Variants in CARMIL1 observed in about 807,000 individuals in gnomAD.
CARMIL1 encodes F-actin-uncapping protein LRRC16A.
In CARMIL1, 90 loss-of-function variants were observed where a neutral mutation model predicts 177.1. The observed-to-expected ratio is 0.51, with a 90% CI of 0.43 to 0.61. The LOEUF (loss-of-function observed/expected upper bound fraction) is 0.61, where lower values mean the gene tolerates loss of function less well. Among genes scored for constraint, CARMIL1 ranks in the 20% least tolerant of loss-of-function variants. The probability of loss-of-function intolerance (pLI) is 0.00; values close to 1 mark genes in which losing one functional copy is unlikely to be tolerated. For synonymous variants in CARMIL1, 577 were observed against 606.2 expected (o/e 0.95, Z 0.71); for missense variants, 1,380 against 1,667.0 (o/e 0.83, Z 3.00).
At chr6:25,395,239 G>A (rs1242308692) in intron 2 of CARMIL1, among the ~76,000 whole-genome samples, 1 of 152,194 alleles carries the variant, frequency 6.6e-6, no homozygotes, top group Non-Finnish European at 1.5e-5. Flanking sequence ...GCGGTGCAAG[G>A]AGAAACATCC....
At chr6:25,490,163 G>C (rs1172547249) in intron 13 of CARMIL1, among the ~76,000 whole-genome samples, 1 of 152,098 alleles carries the variant, frequency 6.6e-6, no homozygotes, top group Non-Finnish European at 1.5e-5. Context: ...GAGTTTACCT[G>C]ACCCTGTGCC....
chr6:25,505,158 T>C (rs1156604681), intron 17 of CARMIL1, among the ~76,000 whole-genome samples: 1 of 152,262 alleles, frequency 6.6e-6, no homozygotes, highest in African/African-American at 2.4e-5. Context: ...AGGATTACTC[T>C]CATCAGTTTA....
chr6:25,528,919 C>T (rs770760513), intron 24 of CARMIL1, 26 bp downstream of exon 24: 1 of 1,556,104 alleles, frequency 6.4e-7, no homozygotes, highest in Non-Finnish European at 8.8e-7. Flanking sequence ...CCTGTGACTT[C>T]TCCTTCTATT....
At chr6:25,416,702 C>G (rs973015073) in intron 2 of CARMIL1, among the ~76,000 whole-genome samples, 1 of 152,104 alleles carries the variant, frequency 6.6e-6, no homozygotes, top group African/African-American at 2.4e-5. Context: ...AGTTAATAGA[C>G]TGAGAGTGAG....
chr6:25,536,187 T>C (rs981510821), intron 24 of CARMIL1, among the ~76,000 whole-genome samples: 1 of 152,210 alleles, frequency 6.6e-6, no homozygotes, highest in Non-Finnish European at 1.5e-5. Context: ...TAGGCATTCA[T>C]TCTTGGTAAG....
Position 25,550,728 on chromosome 6 carries a change from A to G in CARMIL1, c.2329-182A>G, listed in dbSNP as rs150371666. Among the ~76,000 whole-genome samples the G allele has an allele frequency of 9.2e-4, 140 of 152,288 alleles. No individual in the cohort carries two copies. In the East Asian group the frequency reaches 0.011, roughly 12 times the overall value. On this transcript the variant is annotated intron_variant, in intron 26 of 36. Coordinates refer to ENST00000329474, the MANE Select transcript of CARMIL1 (RefSeq NM_017640.6). The stretch of plus-strand genomic sequence containing the variant: ...GATTTAAAGTGATTACCAGAGATCA[A>G]TGATCATCCAACAGTCACAAGTCAC...
At chr6:25,314,268 C>A (rs1272552497) in intron 2 of CARMIL1, among the ~76,000 whole-genome samples, 1 of 131,790 alleles carries the variant, frequency 7.6e-6, no homozygotes, top group African/African-American at 2.8e-5. Context: ...AGGTCAGGAG[C>A]CCAAGACCAT....
intron 5 of CARMIL1, among the ~76,000 whole-genome samples, chr6:25,444,765 G>A (rs1798064107): frequency 6.6e-6 from 1 of 152,158 alleles, no homozygotes; most frequent in Non-Finnish European, 1.5e-5. Flanking sequence ...TCTTAATCCA[G>A]TCTATCATTG....
intron 11 of CARMIL1, chr6:25,479,137 G>A: frequency 3.9e-6 from 2 of 518,958 alleles, no homozygotes; most frequent in South Asian, 2.8e-5. Flanking sequence ...GAGACAGAAT[G>A]TTCCCACCGT....
intron 24 of CARMIL1, among the ~76,000 whole-genome samples, chr6:25,536,244 T>C (rs1391786253): frequency 6.6e-6 from 1 of 152,146 alleles, no homozygotes; most frequent in South Asian, 2.1e-4. Flanking sequence ...CACAGATCAA[T>C]ACAATAGTTA....
Position 25,407,310 on chromosome 6 carries a change from G to A in CARMIL1, c.139-12804G>A, listed in dbSNP as rs189587263. Among the ~76,000 whole-genome samples the A allele has an allele frequency of 2.2e-4, 34 of 152,198 alleles. No homozygotes were observed. The East Asian group carries it at 6.4e-3, about 29-fold the overall frequency. On this transcript the variant is annotated intron_variant, in intron 2 of 36. Transcript: ENST00000329474. ...CTAGGTCTAAACATCTCTATGTTTG[G>A]ATATTTAGAGATGGAAGAGAAAGGA...
At chr6:25,614,687 C>T (rs1816758128) in intron 36 of CARMIL1, among the ~76,000 whole-genome samples, 1 of 152,160 alleles carries the variant, frequency 6.6e-6, no homozygotes, top group South Asian at 2.1e-4. Context: ...AACAAAGCAT[C>T]ATTAATGCAA....
chr6:25,470,177 C>T (rs936373445), intron 9 of CARMIL1, among the ~76,000 whole-genome samples: 3 of 151,894 alleles, frequency 2.0e-5, no homozygotes, highest in Non-Finnish European at 2.9e-5. Context: ...AGGTTGTTTC[C>T]CACTTTATCC....
chr6:25,521,264 G>A (rs1474957223), intron 23 of CARMIL1, among the ~76,000 whole-genome samples: 1 of 152,198 alleles, frequency 6.6e-6, no homozygotes, highest in Non-Finnish European at 1.5e-5. Flanking sequence ...AGCAGGCTTG[G>A]GGGGAAGCTA....
chr6:25,420,670 C>T (rs1425184238), intron 3 of CARMIL1, among the ~76,000 whole-genome samples: 1 of 152,180 alleles, frequency 6.6e-6, no homozygotes, highest in African/African-American at 2.4e-5. Context: ...AGCTGTTCTC[C>T]GTCTACTCTG....
intron 2 of CARMIL1, among the ~76,000 whole-genome samples, chr6:25,382,492 CT>C (rs1423671117): frequency 1.3e-5 from 2 of 152,152 alleles, no homozygotes; most frequent in Non-Finnish European, 2.9e-5. Flanking sequence ...AAGAACAAAG[CT>C]TCCACAGTGT....
intron 2 of CARMIL1, among the ~76,000 whole-genome samples, chr6:25,313,472 T>A (rs2150213242): frequency 6.6e-6 from 1 of 152,144 alleles, no homozygotes; most frequent in Non-Finnish European, 1.5e-5. Flanking sequence ...GATTTGGTCC[T>A]ATAAGGCTGC....
chr6:25,315,327 T>C (rs1443768203), intron 2 of CARMIL1, among the ~76,000 whole-genome samples: 1 of 152,382 alleles, frequency 6.6e-6, no homozygotes, highest in Non-Finnish European at 1.5e-5. Context: ...TGATCCTTTG[T>C]CTTGGTAGGC....
At chr6:25,546,140 A>C (rs1299598172) in intron 26 of CARMIL1, among the ~76,000 whole-genome samples, 1 of 151,994 alleles carries the variant, frequency 6.6e-6, no homozygotes, top group Non-Finnish European at 1.5e-5. Context: ...TTGTAGGTCT[A>C]CTTTTTTTTT....
Sources: gnomAD v4.1 joint callset for allele counts (sites outside exome capture counted in the v4.1 genomes callset) on GRCh38, gnomAD v4.1.1 for gene constraint, MANE v1.5 for transcripts, NCBI Gene and HGNC (gene_info 2026-07-23, HGNC 2026-07-21) for gene names.